SNX24: variants seen among roughly 807,000 people sequenced by gnomAD.
SNX24 encodes sorting nexin-24.
A neutral mutation model predicts 28.7 loss-of-function variants in SNX24; 22 were observed. The ratio of observed to expected loss-of-function variants is 0.77; its 90% confidence interval spans 0.55 to 1.10. The LOEUF is 1.10. Among genes scored for constraint, SNX24 ranks in the 50% least tolerant of loss-of-function variants. SNX24 has a pLI of 0.00. For synonymous variants in SNX24, 69 were observed against 71.5 expected, an observed-to-expected ratio of 0.96 and a Z score of 0.18; for missense variants, 221 against 201.1, an observed-to-expected ratio of 1.10 and a Z score of -0.60.
intron 1 of SNX24, among the ~76,000 whole-genome samples, chr5:122,935,300 T>C (rs566168806): frequency 3.3e-5 from 5 of 152,136 alleles, no homozygotes; most frequent in African/African-American, 1.2e-4. Context: ...TTGAGGTGTT[T>C]TCCTGATTCT....
chr5:123,025,737 T>C (rs756787273), intron 5 of SNX24: 11 of 1,554,312 alleles, frequency 7.1e-6, no homozygotes, highest in Non-Finnish European at 9.7e-6. Flanking sequence ...GAAAGTACTC[T>C]CAATAAAAAT....
chr5:122,986,441 G>A (rs964116895), intron 3 of SNX24, among the ~76,000 whole-genome samples: 1 of 152,174 alleles, frequency 6.6e-6, no homozygotes, highest in Non-Finnish European at 1.5e-5. Flanking sequence ...GGCTACAAAG[G>A]AGAGTGAGAA....
At chr5:122,849,065 G>A (rs1003277373) in intron 1 of SNX24, among the ~76,000 whole-genome samples, 1 of 152,146 alleles carries the variant, frequency 6.6e-6, no homozygotes, top group Admixed American at 6.5e-5. Flanking sequence ...TGATGGCCAG[G>A]AAATCCTTGG....
intron 3 of SNX24, among the ~76,000 whole-genome samples, chr5:122,973,659 CTGTG>C (rs1761048197): frequency 6.6e-6 from 1 of 152,208 alleles, no homozygotes; most frequent in Admixed American, 6.5e-5. Flanking sequence ...TGAAAAGCTG[CTGTG>C]CATGACCCAC....
chr5:122,855,238 A>G (rs1755130067), intron 1 of SNX24, among the ~76,000 whole-genome samples: 1 of 151,876 alleles, frequency 6.6e-6, no homozygotes, highest in Admixed American at 6.6e-5. Context: ...TGCCCGCCTA[A>G]TTTTTGTATT....
chr5:122,965,147 A>G (rs183357704), intron 3 of SNX24, among the ~76,000 whole-genome samples: 1 of 152,368 alleles, frequency 6.6e-6, no homozygotes, highest in East Asian at 1.9e-4. Flanking sequence ...ATCTCTTGCT[A>G]ATTCTTTCCA....
At chr5:122,872,036 A>G (rs915187026) in intron 1 of SNX24, among the ~76,000 whole-genome samples, 5 of 151,380 alleles carry the variant, frequency 3.3e-5, no homozygotes, top group African/African-American at 7.3e-5. Context: ...TGGAGCAGCT[A>G]TTGTTATTTC....
At chr5:122,852,800 C>G (rs1208158787) in intron 1 of SNX24, among the ~76,000 whole-genome samples, 2 of 152,122 alleles carry the variant, frequency 1.3e-5, no homozygotes, top group African/African-American at 4.8e-5. Flanking sequence ...AACCAACCAT[C>G]ATGGCAAGGA....
At chr5:123,023,411 CAGCAA>C (rs1419191378) in intron 5 of SNX24, 1 of 152,262 alleles carries the variant, frequency 6.6e-6, no homozygotes, top group East Asian at 1.9e-4. Context: ...ATATAAAGAA[CAGCAA>C]AGCACCCTTT....
At chr5:122,904,472 C>T (rs1177245976) in intron 1 of SNX24, among the ~76,000 whole-genome samples, 1 of 152,150 alleles carries the variant, frequency 6.6e-6, no homozygotes, top group African/African-American at 2.4e-5. Flanking sequence ...TGTGAGCCAC[C>T]ACTCCCGGCC....
chr5:122,882,553 T>C (rs1228124636), intron 1 of SNX24, among the ~76,000 whole-genome samples: 1 of 152,248 alleles, frequency 6.6e-6, no homozygotes, highest in Non-Finnish European at 1.5e-5. Context: ...ATCTCTTTGT[T>C]CTGTGTTCTG....
chr5:122,992,246 A>G (rs1761885474), intron 3 of SNX24, among the ~76,000 whole-genome samples: 1 of 152,184 alleles, frequency 6.6e-6, no homozygotes, highest in African/African-American at 2.4e-5. Context: ...TGGTCCCTGG[A>G]TCTGATGAAC....
At chr5:122,879,103 GTAT>G (rs1450452175) in intron 1 of SNX24, among the ~76,000 whole-genome samples, 3 of 152,100 alleles carry the variant, frequency 2.0e-5, no homozygotes, top group Admixed American at 6.6e-5. Flanking sequence ...TAAATCCAAA[GTAT>G]TATTCTAACA....
intron 3 of SNX24, chr5:122,965,310 C>T: frequency 5.7e-6 from 2 of 352,298 alleles, no homozygotes; most frequent in South Asian, 4.5e-5. Context: ...GCCTGGAGTG[C>T]ATTCATTTTC....
intron 2 of SNX24, among the ~76,000 whole-genome samples, chr5:122,942,712 G>C (rs1759510276): frequency 6.6e-6 from 1 of 152,182 alleles, no homozygotes; most frequent in African/African-American, 2.4e-5. Context: ...CAGTTTGCCT[G>C]GACACAGCAG....
chr5:122,863,209 G>C (rs1755559584), intron 1 of SNX24, among the ~76,000 whole-genome samples: 1 of 152,142 alleles, frequency 6.6e-6, no homozygotes, highest in African/African-American at 2.4e-5. Context: ...GGGATCATCA[G>C]AGAATCCTTC....
At chr5:122,882,396 A>G (rs1482424209) in intron 1 of SNX24, among the ~76,000 whole-genome samples, 1 of 152,254 alleles carries the variant, frequency 6.6e-6, no homozygotes. Context: ...AGCCATAGAC[A>G]GTGCTGGCTA....
intron 3 of SNX24, among the ~76,000 whole-genome samples, chr5:122,983,750 G>T (rs887488721): frequency 6.8e-6 from 1 of 147,974 alleles, no homozygotes; most frequent in Admixed American, 6.7e-5. Flanking sequence ...GACTACAGGC[G>T]TGTGCAACCA....
At chr5:122,952,512 G>C (rs1759993052) in intron 3 of SNX24, among the ~76,000 whole-genome samples, 1 of 152,176 alleles carries the variant, frequency 6.6e-6, no homozygotes, top group South Asian at 2.1e-4. Flanking sequence ...CAAGGGGCCT[G>C]TGCAAGCACT....
Sources: allele counts gnomAD v4.1 joint callset (sites outside exome capture counted in the v4.1 genomes callset), GRCh38; gene constraint gnomAD v4.1.1; transcripts MANE v1.5; gene names NCBI Gene and HGNC (gene_info 2026-07-23, HGNC 2026-07-21).